DOK6: variants seen among roughly 807,000 people sequenced by gnomAD.
DOK6 encodes docking protein 6.
Under a neutral mutation model 44.0 loss-of-function variants are expected in DOK6, and 22 were observed. The ratio of observed to expected loss-of-function variants is 0.50; its 90% CI spans 0.36 to 0.71. The LOEUF (loss-of-function observed/expected upper bound fraction) is 0.71, where lower values mean the gene tolerates loss of function less well. Among genes scored for constraint, DOK6 ranks in the 30% least tolerant of loss-of-function variants. DOK6 has a pLI of 0.00. For missense variants in DOK6, 340 were observed against 416.4 expected (o/e 0.82, Z 1.60); for synonymous variants, 166 against 145.5 (o/e 1.14, Z -1.01).
intron 7 of DOK6, among the ~76,000 whole-genome samples, chr18:69,837,570 C>CAA (rs74175394): frequency 0.56 from 76,764 of 135,874 alleles, 22,939 homozygotes; most frequent in East Asian, 0.72. Context: ...AGGTGTTCAG[C>CAA]AAAAAAAAAA....
chr18:69,750,595 G>A (rs1979144806), intron 6 of DOK6, among the ~76,000 whole-genome samples: 1 of 152,148 alleles, frequency 6.6e-6, no homozygotes, highest in Admixed American at 6.5e-5. Flanking sequence ...TGACGACATG[G>A]AGAAAAGGGG....
intron 3 of DOK6, among the ~76,000 whole-genome samples, chr18:69,626,456 G>A (rs1468352345): frequency 7.2e-5 from 11 of 152,106 alleles, no homozygotes; most frequent in Admixed American, 7.2e-4. Flanking sequence ...AGTCAACCTT[G>A]TAAAGTTTTC....
intron 1 of DOK6, among the ~76,000 whole-genome samples, chr18:69,521,999 T>C (rs1981700738): frequency 6.6e-6 from 1 of 151,802 alleles, no homozygotes; most frequent in East Asian, 1.9e-4. Context: ...TATATTTAAA[T>C]ATGAACCTTC....
chr18:69,657,986 C>G (rs1985413044), intron 3 of DOK6, among the ~76,000 whole-genome samples: 1 of 152,084 alleles, frequency 6.6e-6, no homozygotes, highest in Non-Finnish European at 1.5e-5. Context: ...GGGTCTCCCT[C>G]TATTGCCCAG....
chr18:69,458,846 T>A (rs992790240), intron 1 of DOK6, among the ~76,000 whole-genome samples: 1 of 152,018 alleles, frequency 6.6e-6, no homozygotes, highest in Non-Finnish European at 1.5e-5. Flanking sequence ...AATCCCAGCA[T>A]TTTGGGCAGC....
rs112088411 is a variant in DOK6, at chr18:69,419,964, T to C, written c.66+18654T>C. ...TATCAATTGATTGCAATGTAAAGCC[T>C]GTAATTGGAAATATGCCAGCAATAA... is the stretch of plus-strand genomic sequence containing the variant. On this transcript the variant is annotated intron_variant, in intron 1 of 7. Coordinates refer to ENST00000382713, the MANE Select transcript of DOK6 (RefSeq NM_152721.6). Among the ~76,000 whole-genome samples the C allele has an allele frequency of 1.1e-3, 161 of 152,304 alleles. 1 individual carries two copies. The highest frequency in any genetic ancestry group is 3.6e-3 in the African/African-American group (151 of 41,586).
At chr18:69,778,040 T>C (rs1347812875) in intron 7 of DOK6, 1 of 152,018 alleles carries the variant, frequency 6.6e-6, no homozygotes, top group Non-Finnish European at 1.5e-5. Flanking sequence ...ATAAAACAAT[T>C]TTTATAAGCA....
chr18:69,739,086 A>G lies in DOK6; in HGVS notation c.721A>G (p.Met241Val). Residue 241 changes from methionine (M) to valine (V), a missense_variant, in exon 6 of 8, where the codon ATG becomes GTG. Around this residue, in one of 3 missense-constraint regions of DOK6, gnomAD observed 22 missense variants for 48.6 expected, o/e 0.45. Coordinates refer to ENST00000382713, the MANE Select transcript of DOK6 (RefSeq NM_152721.6). The stretch of plus-strand genomic sequence containing the variant: ...GCAACATGAAAGATTAATGCTAGAA[A>G]TGGAACAGAAGGCCCGGGTAAGGCC... ...AEQHERLMLE[M>V]EQKARLQTSL... The G allele has an allele frequency of 6.2e-7, 1 of 1,614,036 alleles. No homozygotes were observed. The highest frequency in any genetic ancestry group is 8.5e-7 in the Non-Finnish European group (1 of 1,179,894).
At chr18:69,557,142 C>T (rs573009176) in intron 1 of DOK6, among the ~76,000 whole-genome samples, 136 of 152,280 alleles carry the variant, frequency 8.9e-4, no homozygotes, top group Middle Eastern at 3.4e-3. Context: ...ACTCCAGCTA[C>T]GACACTTCGT....
intron 7 of DOK6, among the ~76,000 whole-genome samples, chr18:69,782,367 A>G (rs774312575): frequency 2.0e-5 from 3 of 151,784 alleles, no homozygotes; most frequent in Non-Finnish European, 4.4e-5. Flanking sequence ...ACCTGCCACC[A>G]TGCCCGGCTA....
At chr18:69,825,760 T>A (rs971968190) in intron 7 of DOK6, among the ~76,000 whole-genome samples, 2 of 152,050 alleles carry the variant, frequency 1.3e-5, no homozygotes, top group African/African-American at 4.8e-5. Context: ...TTCACAATTA[T>A]GAAACGAAAG....
chr18:69,564,620 G>A, intron 2 of DOK6, 26 bp downstream of exon 2: 1 of 1,570,622 alleles, frequency 6.4e-7, no homozygotes, highest in Non-Finnish European at 8.7e-7. Flanking sequence ...GGGAGTCCCT[G>A]GGGAATAACT....
At chr18:69,466,980 G>A (rs1439387043) in intron 1 of DOK6, among the ~76,000 whole-genome samples, 3 of 151,876 alleles carry the variant, frequency 2.0e-5, no homozygotes, top group African/African-American at 7.3e-5. Context: ...TAAATAGGAA[G>A]GAGGAAAGAC....
chr18:69,489,028 A>G (rs1484511656), intron 1 of DOK6, among the ~76,000 whole-genome samples: 2 of 152,196 alleles, frequency 1.3e-5, no homozygotes, highest in African/African-American at 4.8e-5. Flanking sequence ...TTTTATACAC[A>G]TAGAACTTTT....
At chr18:69,445,107 T>C (rs1364738288) in intron 1 of DOK6, among the ~76,000 whole-genome samples, 1 of 152,232 alleles carries the variant, frequency 6.6e-6, no homozygotes, top group Non-Finnish European at 1.5e-5. Flanking sequence ...ATTTTCTTAT[T>C]TCATTTTCAT....
chr18:69,485,615 G>GT (rs1980554010), intron 1 of DOK6, among the ~76,000 whole-genome samples: 2 of 152,086 alleles, frequency 1.3e-5, no homozygotes, highest in Admixed American at 6.6e-5. Context: ...GGAGTGAAGG[G>GT]TAAACATTCA....
Position 69,459,187 on chromosome 18 carries a change from TTGTGTGTGTGTGTG to T in DOK6, c.66+57910_66+57923del, listed in dbSNP as rs71176967. ...GTGAGAAATCTCAAAAAAAAATATT[TTGTGTGTGTGTGTG>T]TGTGTGTGTGTGTGTGTGTGTGTGT... On this transcript the variant is annotated intron_variant, in intron 1 of 7. Transcript: ENST00000382713. 1.3e-3 allele frequency among the ~76,000 whole-genome samples: 184 copies of T among 136,962 alleles called. 1 individual carries two copies. The highest frequency in any genetic ancestry group is 8.4e-3 in the Admixed American group (114 of 13,538). The allele number at this position is 136,962 out of a possible 152,430, so 89.9% of individuals were successfully genotyped here. A position where few individuals can be genotyped will look rare whatever the true frequency, so the allele number is the denominator to read the frequency against.
rs1199724856 is a variant in DOK6 at position 69,688,778 on chromosome 18, T to TC, written c.410-9623dup. 2.0e-5 allele frequency among the ~76,000 whole-genome samples: 3 copies of TC among 152,202 alleles called. No homozygotes were observed. The East Asian group carries it at 5.8e-4, about 29-fold the overall frequency. ...CTCAAATGATCCACCCACCTCAACCTCCCAAAGCAAGGACAATACTCCTTT... is the reference window on the plus strand; with the variant it reads ...CTCAAATGATCCACCCACCTCAACCTCCCCAAAGCAAGGACAATACTCCTTT... On this transcript the variant is annotated intron_variant, in intron 4 of 7. Transcript: ENST00000382713.
chr18:69,417,582 A>C (rs1007975112), intron 1 of DOK6, among the ~76,000 whole-genome samples: 1 of 152,104 alleles, frequency 6.6e-6, no homozygotes, highest in Non-Finnish European at 1.5e-5. Flanking sequence ...ATATACCCAG[A>C]GATGGGATTG....
Sources: allele counts gnomAD v4.1 joint callset (sites outside exome capture counted in the v4.1 genomes callset), GRCh38; gene constraint gnomAD v4.1.1; regional missense constraint gnomAD v4.1.1; transcripts MANE v1.5; gene names NCBI Gene and HGNC (gene_info 2026-07-23, HGNC 2026-07-21).